OPCML: variants seen among roughly 807,000 people sequenced by gnomAD.
The protein encoded by OPCML is opioid binding protein/cell adhesion molecule like, also known as opioid-binding protein/cell adhesion molecule.
Under a neutral mutation model 37.8 loss-of-function variants are expected in OPCML, and 13 were observed. The ratio of observed to expected loss-of-function variants is 0.34; its 90% CI spans 0.22 to 0.55. OPCML has a LOEUF of 0.55. Among genes scored for constraint, OPCML ranks in the 20% least tolerant of loss-of-function variants. OPCML has a pLI of 0.91. For missense variants in OPCML, 341 were observed against 435.6 expected, an observed-to-expected ratio of 0.78 and a Z score of 1.93; for synonymous variants, 176 against 168.8, an observed-to-expected ratio of 1.04 and a Z score of -0.33.
At chr11:133,517,582 G>A (rs1948307716) in intron 1 of OPCML, among the ~76,000 whole-genome samples, 1 of 152,204 alleles carries the variant, frequency 6.6e-6, no homozygotes, top group South Asian at 2.1e-4. Flanking sequence ...AGAAACCCAG[G>A]CATCAGGACA....
chr11:133,433,082 T>G (rs1946157917), intron 1 of OPCML, among the ~76,000 whole-genome samples: 1 of 152,128 alleles, frequency 6.6e-6, no homozygotes, highest in African/African-American at 2.4e-5. Context: ...TTTGTATCCA[T>G]CTATTGAAAT....
chr11:132,518,120 T>A (rs1308387972), intron 4 of OPCML, among the ~76,000 whole-genome samples: 1 of 152,202 alleles, frequency 6.6e-6, no homozygotes, highest in Non-Finnish European at 1.5e-5. Context: ...TGCAGCCTTG[T>A]TAGATAGGTA....
At chr11:133,425,798 C>T (rs901033758) in intron 1 of OPCML, among the ~76,000 whole-genome samples, 1 of 152,088 alleles carries the variant, frequency 6.6e-6, no homozygotes, top group Non-Finnish European at 1.5e-5. Flanking sequence ...AACACGAATA[C>T]ATTCATCTCC....
At chr11:133,125,921 T>G (rs937318824) in intron 1 of OPCML, among the ~76,000 whole-genome samples, 7 of 149,026 alleles carry the variant, frequency 4.7e-5, no homozygotes, top group Non-Finnish European at 1.0e-4. Flanking sequence ...CACACGTATA[T>G]AGTATATACA....
At chr11:133,444,118 T>C (rs889180961) in intron 1 of OPCML, among the ~76,000 whole-genome samples, 4 of 152,108 alleles carry the variant, frequency 2.6e-5, no homozygotes, top group African/African-American at 9.7e-5. Context: ...CTTTTCTAAA[T>C]GCTTCTCCAT....
intron 1 of OPCML, among the ~76,000 whole-genome samples, chr11:133,308,344 G>T (rs887520025): frequency 1.3e-5 from 2 of 151,944 alleles, no homozygotes; most frequent in African/African-American, 4.8e-5. Flanking sequence ...GATTACACAA[G>T]TATGAAACAA....
chr11:132,802,920 T>C (rs1938760211), intron 2 of OPCML, among the ~76,000 whole-genome samples: 1 of 152,196 alleles, frequency 6.6e-6, no homozygotes, highest in South Asian at 2.1e-4. Context: ...GCTTTTTTCT[T>C]CCTAGTACTT....
chr11:133,092,838 G>A (rs1948929492), intron 1 of OPCML, among the ~76,000 whole-genome samples: 2 of 149,934 alleles, frequency 1.3e-5, no homozygotes, highest in Non-Finnish European at 3.0e-5. Flanking sequence ...AGAGAAAGGA[G>A]AGAGACAGAG....
rs958206099 is a variant in OPCML, at chr11:132,437,346, A to G, written c.519T>C (p.Phe173=). 6.2e-7 allele frequency: 1 copy of G among 1,614,166 alleles called. No individual in the cohort carries two copies. Among genetic ancestry groups the G allele is most frequent in the Middle Eastern group, 1.6e-4 (1 of 6,062 alleles). Reference sequence around the variant, plus strand: ...TCTCCAGGTACTCATCCTCACTTACAAAGCCCTGGCCTTCTGGGAAGAAAG... The same window carrying G: ...TCTCCAGGTACTCATCCTCACTTACGAAGCCCTGGCCTTCTGGGAAGAAAG... ...RHLSVKEGQG[F]VSEDEYLEIS... is the part of the protein sequence containing the mutation. Residue 173 remains phenylalanine, a synonymous_variant, in exon 5 of 8, where the codon TTT becomes TTC. Transcript: ENST00000524381.
chr11:133,002,815 T>C (rs1385599377), intron 1 of OPCML, among the ~76,000 whole-genome samples: 3 of 151,950 alleles, frequency 2.0e-5, no homozygotes, highest in Non-Finnish European at 2.9e-5. Flanking sequence ...TGATCGTAGG[T>C]TGTGTCATCA....
chr11:133,072,540 T>C (rs760155722), intron 1 of OPCML, among the ~76,000 whole-genome samples: 6 of 152,244 alleles, frequency 3.9e-5, no homozygotes, highest in Non-Finnish European at 8.8e-5. Flanking sequence ...TCTTCAGACC[T>C]GCCTTACTCG....
At chr11:132,511,834 C>G (rs1322302353) in intron 4 of OPCML, among the ~76,000 whole-genome samples, 1 of 150,338 alleles carries the variant, frequency 6.7e-6, no homozygotes, top group Non-Finnish European at 1.5e-5. Flanking sequence ...TTTTTAACCT[C>G]CATTAAGTGT....
intron 3 of OPCML, among the ~76,000 whole-genome samples, chr11:132,635,910 G>A (rs1450265462): frequency 1.3e-5 from 2 of 152,140 alleles, no homozygotes; most frequent in African/African-American, 4.8e-5. Context: ...CTACATTCAT[G>A]TTTAAGGAAA....
intron 2 of OPCML, among the ~76,000 whole-genome samples, chr11:132,853,223 G>A (rs1941895181): frequency 6.6e-6 from 1 of 152,032 alleles, no homozygotes; most frequent in Non-Finnish European, 1.5e-5. Context: ...TAAGAATTTT[G>A]GAAAACTTGA....
At chr11:132,694,747 A>G (rs1004506876) in intron 2 of OPCML, among the ~76,000 whole-genome samples, 9 of 152,144 alleles carry the variant, frequency 5.9e-5, no homozygotes, top group Non-Finnish European at 2.9e-5. Flanking sequence ...ATTCTGTCCA[A>G]TAAGAAGAAG....
chr11:133,048,732 T>C (rs1473467879), intron 1 of OPCML, among the ~76,000 whole-genome samples: 1 of 152,200 alleles, frequency 6.6e-6, no homozygotes, highest in Non-Finnish European at 1.5e-5. Flanking sequence ...GCTTTGCTGT[T>C]ATGCCCCAGA....
chr11:132,582,004 C>G (rs2096462969), intron 3 of OPCML, among the ~76,000 whole-genome samples: 1 of 151,982 alleles, frequency 6.6e-6, no homozygotes, highest in South Asian at 2.1e-4. Flanking sequence ...AAACTGGGCT[C>G]AAATTACTAA....
chr11:133,423,739 C>T (rs1184826390), intron 1 of OPCML, among the ~76,000 whole-genome samples: 3 of 152,108 alleles, frequency 2.0e-5, no homozygotes, highest in Non-Finnish European at 4.4e-5. Context: ...AGAGGTAGGG[C>T]CTGCTGGGAA....
chr11:133,049,918 C>G (rs991407839), intron 1 of OPCML, among the ~76,000 whole-genome samples: 3 of 152,212 alleles, frequency 2.0e-5, no homozygotes, highest in Non-Finnish European at 4.4e-5. Flanking sequence ...TGCCTCTTCT[C>G]TCAGTTATTC....
Sources: allele counts gnomAD v4.1 joint callset (sites outside exome capture counted in the v4.1 genomes callset), GRCh38; gene constraint gnomAD v4.1.1; transcripts MANE v1.5; gene names NCBI Gene and HGNC (gene_info 2026-07-23, HGNC 2026-07-21).